Variants in EYA4 observed in about 807,000 individuals in gnomAD.
The protein encoded by EYA4 is EYA transcriptional coactivator and phosphatase 4.
EYA4 carries 31 observed loss-of-function variants against 87.9 expected under a neutral mutation model. The ratio of observed to expected loss-of-function variants is 0.35; its 90% CI spans 0.27 to 0.48. The LOEUF is 0.48. EYA4 is among the 20% of genes least tolerant of loss of function. EYA4 has a pLI of 0.99. For missense variants in EYA4, 678 were observed against 761.4 expected (o/e 0.89, Z 1.29); for synonymous variants, 263 against 270.6 (o/e 0.97, Z 0.28).
In EYA4 at chr6:133,530,986, CA is replaced by C; in HGVS notation, c.*2184del. 1 of 1,280,258 alleles carries C rather than the reference CA, an allele frequency of 7.8e-7. No homozygotes were observed. Among genetic ancestry groups the C allele is most frequent in the Non-Finnish European group, 9.9e-7 (1 of 1,013,036 alleles). The allele number at this position is 1,280,258 out of a possible 1,614,324, so 79.3% of individuals were successfully genotyped here. A position where few individuals can be genotyped will look rare whatever the true frequency, so the allele number is the denominator to read the frequency against. ...AAATATTTATTACTGTGAATAAAAACAAATTATCTTTACTGTATAGCTGGTT... is the reference window on the plus strand; with the variant it reads ...AAATATTTATTACTGTGAATAAAAACAATTATCTTTACTGTATAGCTGGTT... On this transcript the variant is annotated 3_prime_UTR_variant, in exon 20 of 20. Transcript: ENST00000355286.
intron 13 of EYA4, 82 bp downstream of exon 13, chr6:133,483,197 C>A: frequency 2.9e-6 from 3 of 1,039,172 alleles, no homozygotes; most frequent in Non-Finnish European, 4.5e-6. Flanking sequence ...TTTAAAAATT[C>A]TTTTAAGTGT....
chr6:133,489,764 A>G (rs1256895271), intron 13 of EYA4, among the ~76,000 whole-genome samples: 1 of 152,210 alleles, frequency 6.6e-6, no homozygotes, highest in Non-Finnish European at 1.5e-5. Context: ...TGCTAAAGGG[A>G]GTTCTTCAAT....
chr6:133,525,230 A>G lies in EYA4; in HGVS notation c.1815A>G (p.Val605=). ...TGTATGTTGTAATTGGGGATGGTGT[A>G]GAAGAAGAACAGGCAGCAAAAAAGG... ...KVVYVVIGDG[V]EEEQAAKKHN... Residue 605 remains valine (V), a synonymous_variant, in exon 19 of 20, where the codon GTA becomes GTG. Transcript: ENST00000355286. 2 of 1,613,576 alleles carry G rather than the reference A, an allele frequency of 1.2e-6. No individual in the cohort carries two copies.
At chr6:133,397,888 T>A (rs533550456) in intron 3 of EYA4, among the ~76,000 whole-genome samples, 1 of 152,314 alleles carries the variant, frequency 6.6e-6, no homozygotes, top group South Asian at 2.1e-4. Context: ...GGGAAAGACC[T>A]GCCCCCATGA....
At chr6:133,247,619 T>C (rs1253229824) in intron 1 of EYA4, 1 of 152,244 alleles carries the variant, frequency 6.6e-6, no homozygotes, top group Non-Finnish European at 1.5e-5. Context: ...ATAACCTGTT[T>C]TACAATTTTA....
At chr6:133,265,834 T>G (rs138529251) in intron 1 of EYA4, among the ~76,000 whole-genome samples, 2 of 152,328 alleles carry the variant, frequency 1.3e-5, no homozygotes, top group Non-Finnish European at 2.9e-5. Flanking sequence ...AAAGAAAGGC[T>G]AGTTTTGGCT....
At chr6:133,392,289 T>A (rs774707629) in intron 3 of EYA4, among the ~76,000 whole-genome samples, 3 of 152,064 alleles carry the variant, frequency 2.0e-5, no homozygotes, top group Non-Finnish European at 4.4e-5. Flanking sequence ...ACTAATGCCC[T>A]CAATTTTGCC....
At position 133,450,669 on chromosome 6, in the gene EYA4, G is replaced by A. The variant is rs58374148; in HGVS notation, c.277+2490G>A. On this transcript the variant is annotated intron_variant, in intron 5 of 19. Coordinates refer to ENST00000355286, the MANE Select transcript of EYA4 (RefSeq NM_004100.5). ...CAGACACACGCCACCACGCCCATCA[G>A]GCTAATTTTTGTACTTTACTTAGTA... is the stretch of plus-strand genomic sequence containing the variant. 3.7e-3 allele frequency among the ~76,000 whole-genome samples: 561 copies of A among 152,254 alleles called. 9 individuals carry two copies. In the East Asian group the frequency reaches 0.041, roughly 11 times the overall value.
chr6:133,460,032 A>ATCACAT (rs1794241488), intron 6 of EYA4, among the ~76,000 whole-genome samples: 1 of 152,144 alleles, frequency 6.6e-6, no homozygotes, highest in South Asian at 2.1e-4. Flanking sequence ...TGATATATAT[A>ATCACAT]GAAATATATC....
intron 2 of EYA4, among the ~76,000 whole-genome samples, chr6:133,304,268 C>G (rs1164222733): frequency 6.6e-6 from 1 of 152,066 alleles, no homozygotes; most frequent in Non-Finnish European, 1.5e-5. Context: ...GTGGGGAAGA[C>G]AAACATTAAC....
At chr6:133,252,569 A>G (rs1196787999) in intron 1 of EYA4, among the ~76,000 whole-genome samples, 2 of 152,204 alleles carry the variant, frequency 1.3e-5, no homozygotes, top group African/African-American at 4.8e-5. Context: ...CCCTTACATA[A>G]TTTAAGCATA....
rs541779876 is a variant in EYA4, at chr6:133,338,212, T to C, written c.34-44180T>C. On this transcript the variant is annotated intron_variant, in intron 2 of 19. Coordinates refer to ENST00000355286, the MANE Select transcript of EYA4 (RefSeq NM_004100.5). ...TACCGCAAGTAATAGATACCCATTT[T>C]AGAAACATTGAAAATTTTTAATGAG... is the stretch of plus-strand genomic sequence containing the variant. Among the ~76,000 whole-genome samples, 24 of 152,270 alleles carry C rather than the reference T, an allele frequency of 1.6e-4. No individual in the cohort carries two copies. The South Asian group carries it at 4.8e-3, about 30-fold the overall frequency.
At chr6:133,374,034 G>A (rs1175230457) in intron 2 of EYA4, among the ~76,000 whole-genome samples, 1 of 152,016 alleles carries the variant, frequency 6.6e-6, no homozygotes, top group Non-Finnish European at 1.5e-5. Flanking sequence ...AATTCATAAA[G>A]CCGATATGGC....
chr6:133,519,015 A>G (rs1412573178), intron 17 of EYA4, among the ~76,000 whole-genome samples: 2 of 151,274 alleles, frequency 1.3e-5, no homozygotes, highest in Non-Finnish European at 2.9e-5. Context: ...AGGGAAATTT[A>G]TAGCACTAAA....
At chr6:133,525,640 G>C (rs1800577850) in intron 19 of EYA4, among the ~76,000 whole-genome samples, 1 of 152,188 alleles carries the variant, frequency 6.6e-6, no homozygotes, top group African/African-American at 2.4e-5. Flanking sequence ...GAAAGATTGG[G>C]GGGGAGAATA....
intron 2 of EYA4, among the ~76,000 whole-genome samples, chr6:133,369,928 C>CTGCTGT (rs112284587): frequency 6.6e-6 from 1 of 151,138 alleles, no homozygotes; most frequent in South Asian, 2.1e-4. Flanking sequence ...AAGACAGGAG[C>CTGCTGT]TGCTGATGAG....
At chr6:133,401,877 C>T (rs9493617) in intron 3 of EYA4, among the ~76,000 whole-genome samples, 2,720 of 152,252 alleles carry the variant, frequency 0.018, 80 homozygotes, top group African/African-American at 0.062. Context: ...TATTTCCCTG[C>T]ATACCTCTCT....
chr6:133,500,279 C>A (rs3777878), intron 13 of EYA4, among the ~76,000 whole-genome samples: 18,386 of 151,898 alleles, frequency 0.12, 2,402 homozygotes, highest in African/African-American at 0.31. Context: ...AAAGCTCCAC[C>A]GGTGTTCCCC....
At chr6:133,388,068 T>A (rs1427879176) in intron 3 of EYA4, among the ~76,000 whole-genome samples, 3 of 152,272 alleles carry the variant, frequency 2.0e-5, no homozygotes, top group Non-Finnish European at 4.4e-5. Context: ...GATAATTGTC[T>A]GTGGTGTTTG....
Sources: gnomAD v4.1 joint callset for allele counts (sites outside exome capture counted in the v4.1 genomes callset) on GRCh38, gnomAD v4.1.1 for gene constraint, MANE v1.5 for transcripts, NCBI Gene and HGNC (gene_info 2026-07-23, HGNC 2026-07-21) for gene names.